Variants in TAT observed in about 807,000 individuals in gnomAD.
The protein encoded by TAT is L-tyrosine:2-oxoglutarate aminotransferase.
A neutral mutation model predicts 53.6 loss-of-function variants in TAT; 35 were observed. That is an observed-to-expected ratio of 0.65 (90% CI 0.50 to 0.87). TAT has a LOEUF of 0.87. Among genes scored for constraint, TAT ranks in the 40% least tolerant of loss-of-function variants. The pLI is 0.00. For missense variants in TAT, 525 were observed against 571.8 expected (o/e 0.92, Z 0.83); for synonymous variants, 197 against 206.5 (o/e 0.95, Z 0.39).
Position 71,576,637 on chromosome 16 carries a change from A to T in TAT, c.-12-210T>A, listed in dbSNP as rs116531568. ...TACTGAGATGGAAAATAAAGCAAGA[A>T]CCCATTCTACTTAAGTAGGATTTGC... is the stretch of plus-strand genomic sequence containing the variant. On this transcript the variant is annotated intron_variant, in intron 1 of 11. Transcript: ENST00000355962. Among the ~76,000 whole-genome samples the T allele has an allele frequency of 4.4e-3, 676 of 152,276 alleles. 3 individuals are homozygous for T. Among genetic ancestry groups the T allele is most frequent in the African/African-American group, 0.015 (637 of 41,550 alleles).
chr16:71,576,305 T>A lies in TAT; in HGVS notation c.111A>T (p.Arg37Ser). ...RSSVPGKMKG[R>S]KARWSVRPSD... ...AGGGCCTCACAGACCACCTGGCCTT[T>A]CTGCCTTTCATTTTTCCCGGCACAG... is the stretch of plus-strand genomic sequence containing the variant. Residue 37 changes from arginine (R) to serine (S), a missense_variant, in exon 2 of 12, where the codon AGA becomes AGT. Arg to Ser is a moderately radical substitution (Grantham distance 110). Coordinates refer to ENST00000355962, the MANE Select transcript of TAT (RefSeq NM_000353.3). The A allele has an allele frequency of 4.3e-6, 7 of 1,614,246 alleles. No homozygotes were observed. Among genetic ancestry groups the A allele is most frequent in the Non-Finnish European group, 5.9e-6 (7 of 1,180,042 alleles).
At position 71,567,891 on chromosome 16, in the gene TAT, C is replaced by A. The variant is rs190776539; in HGVS notation, c.*253G>T. ...TCAAGAAAAAAAGAAGGAAATCTTA[C>A]GAGAGGGAGGCAGATTAATGAATTA... On this transcript the variant is annotated 3_prime_UTR_variant, in exon 12 of 12. Coordinates refer to ENST00000355962, the MANE Select transcript of TAT (RefSeq NM_000353.3). 6.0e-6 allele frequency: 3 copies of A among 501,648 alleles called. No homozygotes were observed. Among genetic ancestry groups the A allele is most frequent in the South Asian group, 2.3e-5 (1 of 42,770 alleles). 31.1% of individuals were successfully genotyped at this position (501,648 alleles called of 1,614,324 possible).
intron 11 of TAT, 25 bp from the exon 12 acceptor site, chr16:71,568,309 T>G: frequency 6.2e-7 from 1 of 1,613,462 alleles, no homozygotes; most frequent in Non-Finnish European, 8.5e-7. Context: ...GTCTGTTACT[T>G]TCAGAGCAAT....
At chr16:71,574,581 CAAAAAAAAA>C (rs71389677) in intron 3 of TAT, among the ~76,000 whole-genome samples, 21,681 of 80,256 alleles carry the variant, frequency 0.27, 1,747 homozygotes, top group South Asian at 0.34. Context: ...AACTTCGTCT[CAAAAAAAAA>C]AAAAAAAAAA....
Position 71,573,465 on chromosome 16 carries a change from G to T in TAT, c.408+74C>A, listed in dbSNP as rs534514762. On this transcript the variant is annotated intron_variant, in intron 4 of 11. Transcript: ENST00000355962. ...TCCCCCTCTGACACCCGTACTTCTT[G>T]TGGAACAGAAACAAGTAAAAAGGGA... 1.7e-5 allele frequency: 24 copies of T among 1,383,034 alleles called. No homozygotes were observed. In the East Asian group the frequency reaches 5.5e-4, roughly 32 times the overall value. The allele number at this position is 1,383,034 out of a possible 1,614,324, so 85.7% of individuals were successfully genotyped here. A position where few individuals can be genotyped will look rare whatever the true frequency, so the allele number is the denominator to read the frequency against.
chr16:71,570,225 C>G (rs1354160933), intron 9 of TAT, 44 bp downstream of exon 9: 5 of 1,613,862 alleles, frequency 3.1e-6, no homozygotes, highest in African/African-American at 2.7e-5. Flanking sequence ...GCGGCATTCT[C>G]TGACTCCCAA....
rs1286568324 is a variant in TAT at position 71,570,308 on chromosome 16, G to A, written c.1002C>T (p.Thr334=). 3 of 1,614,074 alleles carry A rather than the reference G, an allele frequency of 1.9e-6. No individual in the cohort carries two copies. In the Admixed American group the frequency reaches 5.0e-5, roughly 27 times the overall value. The change falls in exon 9 of 12, where the codon ACC becomes ACT. Residue 334 remains threonine (T), a synonymous_variant. Transcript: ENST00000355962. ...QGALKSILCR[T]PGEFYHNTLS... is the part of the protein sequence containing the mutation. ...GAGTGTTGTGGTAAAACTCTCCCGG[G>A]GTGCGACATAGGATGCTTTTCAGAG...
rs779533841 is a variant in TAT, at chr16:71,572,330, GAGAA to G, written c.568-10_568-7del. On this transcript the variant is annotated splice_region_variant and splice_polypyrimidine_tract_variant and intron_variant, in intron 5 of 11. Transcript: ENST00000355962. ...ATTTCCCAAGATTTCTCTGGCTGGA[GAGAA>G]AGAAAGGATGAGACTAAGATGATTC... is the stretch of plus-strand genomic sequence containing the variant. 2 of 1,614,200 alleles carry G rather than the reference GAGAA, an allele frequency of 1.2e-6. No homozygotes were observed. The highest frequency in any genetic ancestry group is 2.2e-5 in the East Asian group (1 of 44,892).
intron 10 of TAT, 146 bp from the exon 11 acceptor site, chr16:71,568,955 A>T: frequency 1.4e-6 from 1 of 696,176 alleles, no homozygotes; most frequent in Non-Finnish European, 2.6e-6. Context: ...GCTAATATTT[A>T]TGGAATTTTT....
chr16:71,576,201 G>T lies in TAT; in HGVS notation c.215C>A (p.Thr72Asn), dbSNP rs1473189431. ...CTCACCAATGGACAGGGAAATCATG[G>T]TTTTGTTTGGATTTGGTTTCACCTT... ...NMKVKPNPNK[T>N]MISLSIGDPT... Residue 72 changes from threonine (T) to asparagine (N), a missense_variant, in exon 2 of 12, where the codon ACC (threonine) becomes AAC (asparagine). Transcript: ENST00000355962. The T allele has an allele frequency of 6.2e-7, 1 of 1,614,094 alleles. No individual in the cohort carries two copies. The highest frequency in any genetic ancestry group is 1.7e-5 in the Admixed American group (1 of 59,996).
rs144133247 is a variant in TAT, at chr16:71,576,120, G to A, written c.235+61C>T. On this transcript the variant is annotated intron_variant, in intron 2 of 11. Transcript: ENST00000355962. ...CCCCAACTGCCATCTTCTCCAACCAGCCTGTGAACATGAGAGTAGAGGAGG... is the reference window on the plus strand; with the variant it reads ...CCCCAACTGCCATCTTCTCCAACCAACCTGTGAACATGAGAGTAGAGGAGG... The A allele has an allele frequency of 4.7e-5, 75 of 1,607,266 alleles. No homozygotes were observed. In the African/African-American group the frequency reaches 8.7e-4, roughly 19 times the overall value.
Position 71,570,961 on chromosome 16 carries a change from T to C in TAT, c.760-130A>G, listed in dbSNP as rs2044199252. The C allele has an allele frequency of 6.0e-6, 7 of 1,161,038 alleles. No individual in the cohort carries two copies. The East Asian group carries it at 1.3e-4, about 21-fold the overall frequency. The allele number at this position is 1,161,038 out of a possible 1,614,324, so 71.9% of individuals were successfully genotyped here. A position where few individuals can be genotyped will look rare whatever the true frequency, so the allele number is the denominator to read the frequency against. ...TGGATTAATGGGATCATCCCTACCC[T>C]GAAGCATGACTGGGATTGCAAGAGG... On this transcript the variant is annotated intron_variant, in intron 7 of 11. Coordinates refer to ENST00000355962, the MANE Select transcript of TAT (RefSeq NM_000353.3).
At chr16:71,571,991 A>G in intron 6 of TAT, 195 bp downstream of exon 6, 2 of 682,306 alleles carry the variant, frequency 2.9e-6, no homozygotes, top group Non-Finnish European at 5.0e-6. Flanking sequence ...TGATGAAGAG[A>G]CAAGTATTTC....
At chr16:71,573,751 C>T in intron 3 of TAT, 145 bp from the exon 4 acceptor site, 1 of 727,582 alleles carries the variant, frequency 1.4e-6, no homozygotes, top group Admixed American at 2.0e-5. Flanking sequence ...CCACCTTAGC[C>T]TCCTGAGTAG....
chr16:71,576,261 GT>G lies in TAT; in HGVS notation c.154del (p.Thr52LeufsTer12), dbSNP rs1444024852. 1 of 1,614,166 alleles carries G rather than the reference GT, an allele frequency of 6.2e-7. No individual in the cohort carries two copies. ...SVRPSDMAKK[T>X]FNPIRAIVDN... ...CACAATGGCTCGGATGGGGTTGAAA[GT>G]TTTCTTGGCCATGTCTGAGGGCCTC... On this transcript the variant is annotated frameshift_variant, in exon 2 of 12. Transcript: ENST00000355962. LOFTEE classifies it high-confidence loss of function.
rs1395825531 is a variant in TAT at position 71,565,819 on chromosome 16, T to TGAGAAAGAAGGACAGTTGC, written c.*2306_*2324dup. ...AAACTGGGTGGCTGAAGGACAGGAA[T>TGAGAAAGAAGGACAGTTGC]GAGAAAGAAGGACAGTTGCGTTTGT... On this transcript the variant is annotated 3_prime_UTR_variant, in exon 12 of 12. Transcript: ENST00000355962. 6.6e-6 allele frequency: 1 copy of TGAGAAAGAAGGACAGTTGC among 152,130 alleles called. No individual in the cohort carries two copies. The highest frequency in any genetic ancestry group is 1.5e-5 in the Non-Finnish European group (1 of 68,068). The allele number at this position is 152,130 out of a possible 1,614,324, so 9.4% of individuals were successfully genotyped here.
chr16:71,569,875 A>G lies in TAT; in HGVS notation c.1104T>C (p.Pro368=). The G allele has an allele frequency of 6.2e-7, 1 of 1,613,992 alleles. No homozygotes were observed. The highest frequency in any genetic ancestry group is 8.5e-7 in the Non-Finnish European group (1 of 1,179,978). Reference sequence around the variant, plus strand: ...TCACCATGAGGTACATAGCCCCAGAAGGGCGGACTGGCCGGAGTCCAGGGA... The same window carrying G: ...TCACCATGAGGTACATAGCCCCAGAGGGGCGGACTGGCCGGAGTCCAGGGA... ...AAIPGLRPVR[P]SGAMYLMVGI... The change falls in exon 10 of 12, where the codon CCT becomes CCC. Residue 368 remains proline (P), a synonymous_variant. Transcript: ENST00000355962.
At chr16:71,571,507 T>G in intron 7 of TAT, 99 bp downstream of exon 7, 1 of 1,109,982 alleles carries the variant, frequency 9.0e-7, no homozygotes, top group South Asian at 1.3e-5. Context: ...TGATTTGCTG[T>G]AATGAAACGA....
rs1191708189 is a variant in TAT, at chr16:71,567,081, G to C, written c.*1063C>G. 1 of 152,174 alleles carries C rather than the reference G, an allele frequency of 6.6e-6. No individual in the cohort carries two copies. The highest frequency in any genetic ancestry group is 1.5e-5 in the Non-Finnish European group (1 of 68,026). 9.4% of individuals were successfully genotyped at this position (152,174 alleles called of 1,614,324 possible). On this transcript the variant is annotated 3_prime_UTR_variant, in exon 12 of 12. Transcript: ENST00000355962. ...TATTTCTGGAAGGTCTCTGATTCCT[G>C]CTTGCTCTAGTACAGGCGTGCTCTC...
Sources: gnomAD v4.1 joint callset for allele counts (sites outside exome capture counted in the v4.1 genomes callset) on GRCh38, gnomAD v4.1.1 for gene constraint, MANE v1.5 for transcripts, NCBI Gene and HGNC (gene_info 2026-07-23, HGNC 2026-07-21) for gene names.